Variants in MYOCD observed in about 807,000 individuals in gnomAD.
MYOCD encodes myocardin.
MYOCD carries 32 observed loss-of-function variants against 96.1 expected under a neutral mutation model. The ratio of observed to expected loss-of-function variants is 0.33; its 90% CI spans 0.25 to 0.45. The LOEUF (loss-of-function observed/expected upper bound fraction) is 0.45, where lower values mean the gene tolerates loss of function less well. Among genes scored for constraint, MYOCD ranks in the 20% least tolerant of loss-of-function variants. The probability of loss-of-function intolerance (pLI) is 1.00; values close to 1 mark genes in which losing one functional copy is unlikely to be tolerated. For synonymous variants in MYOCD, 469 were observed against 469.0 expected (o/e 1.00, Z 0.00); for missense variants, 1,133 against 1,200.6 (o/e 0.94, Z 0.83).
intron 1 of MYOCD, among the ~76,000 whole-genome samples, chr17:12,693,905 T>C (rs1434538436): frequency 6.6e-6 from 1 of 152,080 alleles, no homozygotes; most frequent in Non-Finnish European, 1.5e-5. Context: ...TCTGGAAGCC[T>C]AGAAAGACTG....
At chr17:12,725,183 A>T (rs2086234636) in intron 5 of MYOCD, among the ~76,000 whole-genome samples, 1 of 151,902 alleles carries the variant, frequency 6.6e-6, no homozygotes, top group Admixed American at 6.5e-5. Context: ...TTCTCAGTTT[A>T]TCTTAAGTTG....
chr17:12,670,230 ACCC>A (rs1909620768), intron 1 of MYOCD, among the ~76,000 whole-genome samples: 1 of 152,002 alleles, frequency 6.6e-6, no homozygotes, highest in African/African-American at 2.4e-5. Context: ...AGGTAGTGGG[ACCC>A]ACCCCACTGT....
Position 12,705,333 on chromosome 17 carries a change from C to T in MYOCD, c.121+140C>T, listed in dbSNP as rs565473814. 5 of 598,388 alleles carry T rather than the reference C, an allele frequency of 8.4e-6. No individual in the cohort carries two copies. The East Asian group carries it at 1.5e-4, about 18-fold the overall frequency. 37.1% of individuals were successfully genotyped at this position (598,388 alleles called of 1,614,324 possible). On this transcript the variant is annotated intron_variant, in intron 2 of 13. Transcript: ENST00000425538. ...CAAAGCATTGGTATCAGCAGAAATC[C>T]CAGACCTTGGATGCTTTGCCCCGAC...
intron 1 of MYOCD, among the ~76,000 whole-genome samples, chr17:12,676,241 GCA>G (rs1910034021): frequency 1.1e-5 from 1 of 87,518 alleles, no homozygotes; most frequent in Admixed American, 1.5e-4. Flanking sequence ...CCCTGCGCGC[GCA>G]CGCACACACA....
Position 12,744,425 on chromosome 17 carries a change from A to C in MYOCD, c.960A>C (p.Gln320His). 6.2e-7 allele frequency: 1 copy of C among 1,610,850 alleles called. No individual in the cohort carries two copies. Among genetic ancestry groups the C allele is most frequent in the Non-Finnish European group, 8.5e-7 (1 of 1,178,324 alleles). The stretch of plus-strand genomic sequence containing the variant: ...GATTCAGCTACCTAGGGATGCACCA[A>C]GCTCAGCTTAAGTAAGTCCGGCAAG... ...QHRFSYLGMH[Q>H]AQLKEPNEQM... is the part of the protein sequence containing the mutation. Residue 320 changes from glutamine (Q) to histidine (H), a missense_variant, in exon 8 of 14, where the codon CAA becomes CAC. Gln to His is a conservative substitution (Grantham distance 24). Coordinates refer to ENST00000425538, the MANE Select transcript of MYOCD (RefSeq NM_001146312.3).
intron 2 of MYOCD, among the ~76,000 whole-genome samples, chr17:12,711,362 G>T (rs2031476078): frequency 6.6e-6 from 1 of 152,076 alleles, no homozygotes; most frequent in South Asian, 2.1e-4. Flanking sequence ...CAAATGGATG[G>T]TTCCCAAATA....
At chr17:12,719,520 T>C (rs1389671604) in intron 4 of MYOCD, among the ~76,000 whole-genome samples, 1 of 151,884 alleles carries the variant, frequency 6.6e-6, no homozygotes, top group Non-Finnish European at 1.5e-5. Flanking sequence ...AAACTATGGA[T>C]CAACCATACA....
chr17:12,688,706 CCTTT>C (rs1018695131), intron 1 of MYOCD, among the ~76,000 whole-genome samples: 1 of 151,320 alleles, frequency 6.6e-6, no homozygotes, highest in African/African-American at 2.4e-5. Flanking sequence ...TCCCTTCCTT[CCTTT>C]TTTTCTTCCA....
intron 1 of MYOCD, among the ~76,000 whole-genome samples, chr17:12,689,817 C>T (rs755257271): frequency 2.6e-5 from 4 of 152,150 alleles, no homozygotes; most frequent in African/African-American, 7.2e-5. Flanking sequence ...GGTGACAGAG[C>T]GAGACTCAGT....
At chr17:12,713,482 T>C (rs1350541138) in intron 2 of MYOCD, among the ~76,000 whole-genome samples, 1 of 151,928 alleles carries the variant, frequency 6.6e-6, no homozygotes, top group Admixed American at 6.6e-5. Flanking sequence ...TTTCAGGGAG[T>C]TTCTAGAGGA....
chr17:12,705,297 C>G lies in MYOCD; in HGVS notation c.121+104C>G, dbSNP rs571474140. The stretch of plus-strand genomic sequence containing the variant: ...TTAGTTTAAGCCAATGCATTGGTCT[C>G]CGAAGATCTTCAAAGCATTGGTATC... On this transcript the variant is annotated intron_variant, in intron 2 of 13. Coordinates refer to ENST00000425538, the MANE Select transcript of MYOCD (RefSeq NM_001146312.3). 9.5e-5 allele frequency: 69 copies of G among 723,200 alleles called. No individual in the cohort carries two copies. In the East Asian group the frequency reaches 1.7e-3, roughly 18 times the overall value. The allele number at this position is 723,200 out of a possible 1,614,324, so 44.8% of individuals were successfully genotyped here.
At position 12,766,608 on chromosome 17, in the gene MYOCD, A is replaced by G. The variant is rs1329676174; in HGVS notation, c.*2964A>G. 6.6e-6 allele frequency: 1 copy of G among 152,200 alleles called. No individual in the cohort carries two copies. Among genetic ancestry groups the G allele is most frequent in the Non-Finnish European group, 1.5e-5 (1 of 68,042 alleles). 9.4% of individuals were successfully genotyped at this position (152,200 alleles called of 1,614,324 possible). A position where few individuals can be genotyped will look rare whatever the true frequency, so the allele number is the denominator to read the frequency against. ...GAATTTGTCTCCCATTGAGAATTTT[A>G]TTTTAAATTCTTTTAAACTCTTCGT... On this transcript the variant is annotated 3_prime_UTR_variant, in exon 14 of 14. Transcript: ENST00000425538.
At chr17:12,667,459 C>G (rs571477834) in intron 1 of MYOCD, among the ~76,000 whole-genome samples, 1 of 152,186 alleles carries the variant, frequency 6.6e-6, no homozygotes, top group Non-Finnish European at 1.5e-5. Flanking sequence ...TCCTTCCTTT[C>G]CTTTCCATGG....
intron 1 of MYOCD, among the ~76,000 whole-genome samples, chr17:12,704,255 A>G (rs1451552450): frequency 6.6e-6 from 1 of 152,180 alleles, no homozygotes; most frequent in African/African-American, 2.4e-5. Flanking sequence ...AGAAAATGGA[A>G]TATCCATGAG....
intron 5 of MYOCD, among the ~76,000 whole-genome samples, chr17:12,724,136 A>G (rs1567587526): frequency 6.6e-6 from 1 of 152,176 alleles, no homozygotes; most frequent in Non-Finnish European, 1.5e-5. Flanking sequence ...GTGCACTGCC[A>G]CCATGTTTAC....
rs71144920 is a variant in MYOCD at position 12,719,174 on chromosome 17, C to CAAAAAAAAAAAAAAAAAAAAAA, written c.253+1762_253+1783dup. 3.1e-4 allele frequency among the ~76,000 whole-genome samples: 15 copies of CAAAAAAAAAAAAAAAAAAAAAA among 49,160 alleles called. 1 individual carries two copies. The highest frequency in any genetic ancestry group is 9.2e-4 in the East Asian group (1 of 1,082). The allele number at this position is 49,160 out of a possible 152,430, so 32.3% of individuals were successfully genotyped here. On this transcript the variant is annotated intron_variant, in intron 4 of 13. Transcript: ENST00000425538. Reference sequence around the variant, plus strand: ...GGGGCCACAGAGGGAGACTCTGTCTCAAAAAAAAAAAAAAAAAAAAAAAAA... The same window carrying CAAAAAAAAAAAAAAAAAAAAAA: ...GGGGCCACAGAGGGAGACTCTGTCTCAAAAAAAAAAAAAAAAAAAAAAAAAAAAAAAAAAAAAAAAAAAAAAA...
intron 2 of MYOCD, among the ~76,000 whole-genome samples, chr17:12,713,865 G>A (rs2031555303): frequency 6.6e-6 from 1 of 152,184 alleles, no homozygotes; most frequent in Non-Finnish European, 1.5e-5. Context: ...GAATCACTGA[G>A]TTGGGAGAAA....
chr17:12,714,320 C>G (rs1243570035), intron 2 of MYOCD, among the ~76,000 whole-genome samples: 2 of 133,144 alleles, frequency 1.5e-5, no homozygotes, highest in Non-Finnish European at 1.6e-5. Context: ...GAATGAGGCA[C>G]GTGCACACAC....
At chr17:12,742,675 A>G (rs2032547681) in intron 7 of MYOCD, among the ~76,000 whole-genome samples, 1 of 151,558 alleles carries the variant, frequency 6.6e-6, no homozygotes, top group Non-Finnish European at 1.5e-5. Flanking sequence ...GGTTCAAGCT[A>G]TTCTACTGCC....
Sources: gnomAD v4.1 joint callset for allele counts (sites outside exome capture counted in the v4.1 genomes callset) on GRCh38, gnomAD v4.1.1 for gene constraint, MANE v1.5 for transcripts, NCBI Gene and HGNC (gene_info 2026-07-23, HGNC 2026-07-21) for gene names.